Variants in CNTN4 observed in about 807,000 individuals in gnomAD.
The protein encoded by CNTN4 is contactin-4.
CNTN4 carries 77 observed loss-of-function variants against 122.5 expected under a neutral mutation model. That is an observed-to-expected ratio of 0.63 (90% confidence interval 0.52 to 0.76). The LOEUF (loss-of-function observed/expected upper bound fraction) is 0.76. CNTN4 is among the 30% of genes least tolerant of loss of function. The pLI, the probability that CNTN4 is intolerant of heterozygous loss-of-function variation, is 0.00. For synonymous variants in CNTN4, 512 were observed against 447.0 expected (o/e 1.15, Z -1.83); for missense variants, 1,256 against 1,259.1 (o/e 1.00, Z 0.04).
chr3:2,724,857 C>T (rs1172980480), intron 4 of CNTN4, among the ~76,000 whole-genome samples: 1 of 151,990 alleles, frequency 6.6e-6, no homozygotes, highest in Admixed American at 6.5e-5. Context: ...AACCTCTCCA[C>T]TTTGGTCGTA....
chr3:2,637,782 A>G (rs1279778537), intron 4 of CNTN4, among the ~76,000 whole-genome samples: 1 of 152,196 alleles, frequency 6.6e-6, no homozygotes, highest in African/African-American at 2.4e-5. Flanking sequence ...TAGATCTGTC[A>G]TCTAATACTC....
chr3:2,456,731 C>CTG (rs771585562), intron 3 of CNTN4, among the ~76,000 whole-genome samples: 1 of 152,140 alleles, frequency 6.6e-6, no homozygotes, highest in Admixed American at 6.6e-5. Context: ...TAATATTCCA[C>CTG]TGTGTATATA....
At chr3:2,468,627 T>C (rs371502142) in intron 3 of CNTN4, among the ~76,000 whole-genome samples, 9 of 152,322 alleles carry the variant, frequency 5.9e-5, no homozygotes, top group African/African-American at 2.2e-4. Flanking sequence ...TTACAGTTTT[T>C]AATTGGAGGC....
intron 7 of CNTN4, among the ~76,000 whole-genome samples, chr3:2,833,688 G>A (rs183063872): frequency 1.1e-4 from 16 of 152,204 alleles, no homozygotes; most frequent in African/African-American, 3.9e-4. Context: ...TTTTATACAT[G>A]GTGTTACACA....
intron 3 of CNTN4, among the ~76,000 whole-genome samples, chr3:2,472,334 G>A (rs756314715): frequency 3.2e-4 from 48 of 151,956 alleles, no homozygotes; most frequent in Non-Finnish European, 5.7e-4. Flanking sequence ...TCCACCTCCC[G>A]GGTTCAAGCG....
intron 4 of CNTN4, among the ~76,000 whole-genome samples, chr3:2,642,312 C>G (rs1192812971): frequency 6.6e-6 from 1 of 152,188 alleles, no homozygotes; most frequent in Non-Finnish European, 1.5e-5. Flanking sequence ...TCCGGCTGCA[C>G]TGGCAGCTGA....
chr3:2,438,403 T>G (rs1192718292), intron 3 of CNTN4, among the ~76,000 whole-genome samples: 2 of 152,206 alleles, frequency 1.3e-5, no homozygotes, highest in East Asian at 1.9e-4. Flanking sequence ...GTGCCTGTAA[T>G]CCCAGCTACT....
intron 6 of CNTN4, among the ~76,000 whole-genome samples, chr3:2,814,756 T>C (rs2092690154): frequency 1.3e-5 from 2 of 152,054 alleles, no homozygotes; most frequent in South Asian, 4.1e-4. Context: ...AAAACATGAG[T>C]TTGTATCTTC....
intron 8 of CNTN4, chr3:2,882,831 G>T (rs1274178575): frequency 3.6e-5 from 11 of 307,462 alleles, no homozygotes; most frequent in South Asian, 3.5e-4. Context: ...TTTTCCTGAT[G>T]ACTAGCACTT....
At chr3:2,685,692 T>TTTG (rs746568614) in intron 4 of CNTN4, among the ~76,000 whole-genome samples, 2 of 152,182 alleles carry the variant, frequency 1.3e-5, no homozygotes, top group Non-Finnish European at 2.9e-5. Flanking sequence ...GTGTGTTTTT[T>TTTG]TTGTTGTTGT....
At chr3:2,490,055 A>G (rs2076271245) in intron 3 of CNTN4, among the ~76,000 whole-genome samples, 1 of 152,112 alleles carries the variant, frequency 6.6e-6, no homozygotes, top group African/African-American at 2.4e-5. Context: ...TAGCAGGATT[A>G]GAATTATTAT....
Position 3,026,155 on chromosome 3 carries a change from A to G in CNTN4, c.1540A>G (p.Ser514Gly), listed in dbSNP as rs200551307. The change falls in exon 15 of 25, where the codon AGT (serine) becomes GGT (glycine). Residue 514 changes from serine (S) to glycine (G), a missense_variant. By Grantham distance (56) the Ser-to-Gly change is moderately conservative (BLOSUM62 0). Coordinates refer to ENST00000418658, the MANE Select transcript of CNTN4 (RefSeq NM_175607.3). Reference sequence around the variant, plus strand: ...CAGTATGGATGTCACTGTTGGAGAGAGTATTGTTTTACCGTGCCAGGTAAC... The same window carrying G: ...CAGTATGGATGTCACTGTTGGAGAGGGTATTGTTTTACCGTGCCAGGTAAC... ...PSSMDVTVGE[S>G]IVLPCQVTHD... 1 of 1,613,438 alleles carries G rather than the reference A, an allele frequency of 6.2e-7. No individual in the cohort carries two copies. The highest frequency in any genetic ancestry group is 1.7e-5 in the Admixed American group (1 of 59,936).
chr3:2,962,371 A>G (rs1250457904), intron 13 of CNTN4, among the ~76,000 whole-genome samples: 1 of 152,224 alleles, frequency 6.6e-6, no homozygotes, highest in Non-Finnish European at 1.5e-5. Context: ...CAGGTTCACC[A>G]AAGTCATTTC....
intron 6 of CNTN4, among the ~76,000 whole-genome samples, chr3:2,756,138 T>C (rs999643477): frequency 2.0e-5 from 3 of 152,226 alleles, no homozygotes; most frequent in Non-Finnish European, 4.4e-5. Context: ...GTAGTACATA[T>C]ATTTTCACTT....
intron 6 of CNTN4, among the ~76,000 whole-genome samples, chr3:2,781,416 T>G (rs1489436230): frequency 1.3e-5 from 2 of 151,228 alleles, no homozygotes. Flanking sequence ...TAAGGATATA[T>G]GCGTGAGTGA....
chr3:2,554,702 A>T (rs763888314), intron 3 of CNTN4, among the ~76,000 whole-genome samples: 4 of 152,204 alleles, frequency 2.6e-5, no homozygotes, highest in Non-Finnish European at 4.4e-5. Context: ...CAAAATGAGC[A>T]AGCATTGATG....
intron 3 of CNTN4, among the ~76,000 whole-genome samples, chr3:2,412,399 C>T (rs1375724309): frequency 6.6e-6 from 1 of 151,938 alleles, no homozygotes; most frequent in African/African-American, 2.4e-5. Context: ...TTACAGGTCC[C>T]CACCACCATG....
At chr3:2,364,778 G>C (rs1386280026) in intron 3 of CNTN4, among the ~76,000 whole-genome samples, 1 of 152,114 alleles carries the variant, frequency 6.6e-6, no homozygotes, top group Non-Finnish European at 1.5e-5. Flanking sequence ...ACAAAGTTAA[G>C]GGAAAACATT....
rs183625640 is a variant in CNTN4 at position 2,882,442 on chromosome 3, G to A, written c.653-703G>A. On this transcript the variant is annotated intron_variant, in intron 8 of 24. Transcript: ENST00000418658. ...TGCAAAGCATGGACTTAGTTTGTTAGACTGTGTTACCTTGGGCATAATTGT... is the reference window on the plus strand; with the variant it reads ...TGCAAAGCATGGACTTAGTTTGTTAAACTGTGTTACCTTGGGCATAATTGT... Among the ~76,000 whole-genome samples, 75 of 152,274 alleles carry A rather than the reference G, an allele frequency of 4.9e-4. 1 individual carries two copies. Among genetic ancestry groups the A allele is most frequent in the Non-Finnish European group, 8.4e-4 (57 of 68,016 alleles).
Sources: allele counts gnomAD v4.1 joint callset (sites outside exome capture counted in the v4.1 genomes callset), GRCh38; gene constraint gnomAD v4.1.1; transcripts MANE v1.5; gene names NCBI Gene and HGNC (gene_info 2026-07-23, HGNC 2026-07-21).